The following TRH variants were observed in gnomAD, a reference collection of about 807,000 sequenced individuals.
The protein encoded by TRH is thyrotropin releasing hormone.
In TRH, 5 loss-of-function variants were observed where a neutral mutation model predicts 5.2. The observed-to-expected ratio is 0.95, with a 90% CI of 0.50 to 2.00. The LOEUF is 2.00. Among genes scored for constraint, TRH ranks in the 30% most tolerant of loss-of-function variants. The pLI is 0.01. For missense variants in TRH, 318 were observed against 312.8 expected, an observed-to-expected ratio of 1.02 and a Z score of -0.13; for synonymous variants, 131 against 128.6, an observed-to-expected ratio of 1.02 and a Z score of -0.13.
At position 129,977,012 on chromosome 3, in the gene TRH, GA is replaced by G; in HGVS notation, c.526del (p.Arg176GlufsTer5). The part of the protein sequence containing the change: ...SWEEEEEEEE[R>X]EEDLMPEKRQ... ...GGGAAGAAGAGGAGGAGGAGGAAGA[GA>G]GAGAGGAAGACCTGATGCCTGAAAA... On this transcript the variant is annotated frameshift_variant, in exon 3 of 3. Transcript: ENST00000302649. LOFTEE classifies it low-confidence loss of function (END_TRUNC). The G allele has an allele frequency of 6.2e-7, 1 of 1,613,804 alleles. No homozygotes were observed. The highest frequency in any genetic ancestry group is 8.5e-7 in the Non-Finnish European group (1 of 1,179,876).
Position 129,976,934 on chromosome 3 carries a change from G to A in TRH, c.447G>A (p.Pro149=), listed in dbSNP as rs766789406. The change falls in exon 3 of 3, where the codon CCG becomes CCA. Residue 149 remains proline (P), a synonymous_variant. Transcript: ENST00000302649. ...CCCCCTGGCTTGCATATGCTGTCCC[G>A]AAGCGGCAGCACCCAGGCAGAAGGC... ...RRSPWLAYAV[P]KRQHPGRRLA... is the part of the protein sequence containing the mutation. 50 of 1,613,544 alleles carry A rather than the reference G, an allele frequency of 3.1e-5. No individual in the cohort carries two copies. Among genetic ancestry groups the A allele is most frequent in the Non-Finnish European group, 4.1e-5 (48 of 1,179,908 alleles).
chr3:129,975,671 C>G (rs1417083475), intron 1 of TRH, 138 bp from the exon 2 acceptor site: 1 of 963,500 alleles, frequency 1.0e-6, no homozygotes, highest in East Asian at 2.7e-5. Flanking sequence ...TGCTCCCGCC[C>G]CTGCACGAGG....
intron 1 of TRH, among the ~76,000 whole-genome samples, 175 bp downstream of exon 1, chr3:129,974,998 C>T (rs1315498874): frequency 6.6e-6 from 1 of 152,134 alleles, no homozygotes; most frequent in Non-Finnish European, 1.5e-5. Flanking sequence ...GGCCGGGGAC[C>T]CGACGGGAGG....
At position 129,977,119 on chromosome 3, in the gene TRH, G is replaced by C; in HGVS notation, c.632G>C (p.Gly211Ala). ...TATGGTCAAGCGGGCCTTCTGCTGGGGCTCCTGGATGACCTGAGTAGGAGC... is the reference window on the plus strand; with the variant it reads ...TATGGTCAAGCGGGCCTTCTGCTGGCGCTCCTGGATGACCTGAGTAGGAGC... ...GAYGQAGLLL[G>A]LLDDLSRSQG... Residue 211 changes from glycine to alanine, a missense_variant, in exon 3 of 3, where the codon GGG (glycine) becomes GCG (alanine). Coordinates refer to ENST00000302649, the MANE Select transcript of TRH (RefSeq NM_007117.5). 1 of 1,552,554 alleles carries C rather than the reference G, an allele frequency of 6.4e-7. No individual in the cohort carries two copies. Among genetic ancestry groups the C allele is most frequent in the Non-Finnish European group, 8.7e-7 (1 of 1,152,612 alleles).
rs941673560 is a variant in TRH, at chr3:129,977,484, C to G, written c.*268C>G. ...GCAGATCCCAGAGCCCCTCTCACCC[C>G]CCCCACCACAGGCCTGCTCCTTCCT... On this transcript the variant is annotated 3_prime_UTR_variant, in exon 3 of 3. Coordinates refer to ENST00000302649, the MANE Select transcript of TRH (RefSeq NM_007117.5). 1.8e-5 allele frequency: 6 copies of G among 333,898 alleles called. No individual in the cohort carries two copies. Among genetic ancestry groups the G allele is most frequent in the African/African-American group, 8.4e-5 (4 of 47,626 alleles). 20.7% of individuals were successfully genotyped at this position (333,898 alleles called of 1,614,324 possible). A position where few individuals can be genotyped will look rare whatever the true frequency, so the allele number is the denominator to read the frequency against.
chr3:129,976,749 A>T lies in TRH; in HGVS notation c.262A>T (p.Lys88Ter). 6.2e-7 allele frequency: 1 copy of T among 1,614,006 alleles called. No individual in the cohort carries two copies. Among genetic ancestry groups the T allele is most frequent in the South Asian group, 1.1e-5 (1 of 91,062 alleles). ...GCTCTCCAAACGTCAGCATCCAGGC[A>T]AAAGAGAGGAGGAGGAGGAAGAGGG... ...DWLSKRQHPG[K>*]REEEEEEGVE... The change falls in exon 3 of 3, where the codon AAA becomes TAA. Residue 88 changes from lysine to a stop codon, truncating the protein, a stop_gained. Transcript: ENST00000302649. LOFTEE classifies it low-confidence loss of function (END_TRUNC).
intron 2 of TRH, among the ~76,000 whole-genome samples, 186 bp downstream of exon 2, chr3:129,976,213 T>G (rs1268404797): frequency 6.6e-6 from 1 of 152,244 alleles, no homozygotes; most frequent in Non-Finnish European, 1.5e-5. Context: ...ATTCCTCCCC[T>G]GTCTCAATGC....
In TRH at chr3:129,975,826, C is replaced by A; in HGVS notation, c.10C>A (p.Pro4Thr). 1 of 1,608,746 alleles carries A rather than the reference C, an allele frequency of 6.2e-7. No homozygotes were observed. Among genetic ancestry groups the A allele is most frequent in the Non-Finnish European group, 8.5e-7 (1 of 1,178,746 alleles). MPGPWLLLALALTL... is the reference protein window; with the variant it reads MPGTWLLLALALTL... The stretch of plus-strand genomic sequence containing the variant: ...TAACCCAGACGCCGCGATGCCCGGC[C>A]CTTGGTTGCTGCTCGCTCTGGCTTT... The change falls in exon 2 of 3, where the codon CCT becomes ACT. Residue 4 changes from proline to threonine, a missense_variant. Physicochemically the swap from Pro to Thr is conservative, Grantham distance 38. Coordinates refer to ENST00000302649, the MANE Select transcript of TRH (RefSeq NM_007117.5).
At position 129,977,411 on chromosome 3, in the gene TRH, T is replaced by A; in HGVS notation, c.*195T>A. ...CTTTAGGCATGTGAGAAAATCAGCCTAGCAGTTTAAACCCCACTTTCCTCC... is the reference window on the plus strand; with the variant it reads ...CTTTAGGCATGTGAGAAAATCAGCCAAGCAGTTTAAACCCCACTTTCCTCC... On this transcript the variant is annotated 3_prime_UTR_variant, in exon 3 of 3. Transcript: ENST00000302649. The A allele has an allele frequency of 1.4e-6, 1 of 695,872 alleles. No homozygotes were observed. The highest frequency in any genetic ancestry group is 2.1e-6 in the Non-Finnish European group (1 of 480,800). The allele number at this position is 695,872 out of a possible 1,614,324, so 43.1% of individuals were successfully genotyped here.
At chr3:129,976,663 G>A in intron 2 of TRH, 36 bp from the exon 3 acceptor site, 1 of 1,588,944 alleles carries the variant, frequency 6.3e-7, no homozygotes, top group South Asian at 1.2e-5. Flanking sequence ...TATTACATGG[G>A]TCAGGGGCCC....
At position 129,976,616 on chromosome 3, in the gene TRH, T is replaced by C. The variant is rs1401036938; in HGVS notation, c.212-83T>C. 6 of 1,472,590 alleles carry C rather than the reference T, an allele frequency of 4.1e-6. No individual in the cohort carries two copies. In the Admixed American group the frequency reaches 1.3e-4, roughly 31 times the overall value. The allele number at this position is 1,472,590 out of a possible 1,614,324, so 91.2% of individuals were successfully genotyped here. A position where few individuals can be genotyped will look rare whatever the true frequency, so the allele number is the denominator to read the frequency against. On this transcript the variant is annotated intron_variant, in intron 2 of 2. Coordinates refer to ENST00000302649, the MANE Select transcript of TRH (RefSeq NM_007117.5). ...GGAGCTGCAGGAAATGTACCCTGCC[T>C]GGGAGAAAAGCAGGAGTGGGCACTC...
rs1350242063 is a variant in TRH, at chr3:129,976,788, G to C, written c.301G>C (p.Glu101Gln). ...EEEEEGVEEEEEEEGGAVGPH... is the reference protein window; with the variant it reads ...EEEEEGVEEEQEEEGGAVGPH... ...GGAGGAAGAGGGAGTTGAAGAAGAG[G>C]AAGAGGAAGAAGGGGGGGCTGTGGG... The change falls in exon 3 of 3, where the codon GAA (glutamate) becomes CAA (glutamine). Residue 101 changes from glutamate to glutamine, a missense_variant. Glu to Gln is a conservative substitution (Grantham distance 29, BLOSUM62 2). Coordinates refer to ENST00000302649, the MANE Select transcript of TRH (RefSeq NM_007117.5). The C allele has an allele frequency of 1.2e-6, 2 of 1,613,630 alleles. No individual in the cohort carries two copies. The highest frequency in any genetic ancestry group is 2.2e-5 in the South Asian group (2 of 91,054).
Position 129,975,993 on chromosome 3 carries a change from C to A in TRH, c.177C>A (p.Ile59=). The A allele has an allele frequency of 6.2e-7, 1 of 1,614,146 alleles. No homozygotes were observed. Among genetic ancestry groups the A allele is most frequent in the Non-Finnish European group, 8.5e-7 (1 of 1,179,996 alleles). ...VERLLFLREN[I]QRLQGDQGEH... The stretch of plus-strand genomic sequence containing the variant: ...GCCTCCTCTTCCTCCGGGAAAACAT[C>A]CAGCGGCTGCAAGGGGACCAGGGTG... Residue 59 remains isoleucine (I), a synonymous_variant, in exon 2 of 3, where the codon ATC becomes ATA. Coordinates refer to ENST00000302649, the MANE Select transcript of TRH (RefSeq NM_007117.5).
intron 2 of TRH, among the ~76,000 whole-genome samples, chr3:129,976,320 T>C (rs1212167365): frequency 6.6e-6 from 1 of 152,258 alleles, no homozygotes; most frequent in Non-Finnish European, 1.5e-5. Flanking sequence ...TACTACTGTC[T>C]AGGCACTTCT....
Position 129,976,693 on chromosome 3 carries a change from C to A in TRH, c.212-6C>A, listed in dbSNP as rs1297980409. The stretch of plus-strand genomic sequence containing the variant: ...GGGCCCCTCACTGACCTCTTTCCTT[C>A]CCCAGCGTCCCAGATCTTTCAATCT... On this transcript the variant is annotated splice_region_variant and splice_polypyrimidine_tract_variant and intron_variant, in intron 2 of 2. Coordinates refer to ENST00000302649, the MANE Select transcript of TRH (RefSeq NM_007117.5). The A allele has an allele frequency of 6.2e-7, 1 of 1,608,334 alleles. No homozygotes were observed. The highest frequency in any genetic ancestry group is 1.1e-5 in the South Asian group (1 of 90,514).
chr3:129,975,752 T>C, intron 1 of TRH, 57 bp from the exon 2 acceptor site: 1 of 1,484,176 alleles, frequency 6.7e-7, no homozygotes, highest in Non-Finnish European at 9.0e-7. Context: ...TCGGGGGAGA[T>C]GGAGCGGGAT....
chr3:129,977,272 GC>G lies in TRH; in HGVS notation c.*60del. 1 of 1,493,190 alleles carries G rather than the reference GC, an allele frequency of 6.7e-7. No individual in the cohort carries two copies. The highest frequency in any genetic ancestry group is 8.9e-7 in the Non-Finnish European group (1 of 1,124,674). 92.5% of individuals were successfully genotyped at this position (1,493,190 alleles called of 1,614,324 possible). On this transcript the variant is annotated 3_prime_UTR_variant, in exon 3 of 3. Transcript: ENST00000302649. The stretch of plus-strand genomic sequence containing the variant: ...TCTAAGGATGTCTTGAGCCCTGTGT[GC>G]CCCACCATTCATGACCTCTGTATTC...
chr3:129,975,947 A>G lies in TRH; in HGVS notation c.131A>G (p.Asp44Gly). ...VTAAEHPGLD[D>G]FLRQVERLLF... ...GCCGCGGAGCATCCGGGCCTGGATG[A>G]CTTCCTGCGCCAGGTGGAGCGCCTC... Residue 44 changes from aspartate (D) to glycine (G), a missense_variant, in exon 2 of 3, where the codon GAC becomes GGC. Transcript: ENST00000302649. 1 of 1,613,986 alleles carries G rather than the reference A, an allele frequency of 6.2e-7. No individual in the cohort carries two copies. The highest frequency in any genetic ancestry group is 8.5e-7 in the Non-Finnish European group (1 of 1,179,972).
intron 1 of TRH, 27 bp from the exon 2 acceptor site, chr3:129,975,782 T>C (rs1167046621): frequency 6.4e-7 from 1 of 1,565,190 alleles, no homozygotes. Flanking sequence ...TTCGGTGCGC[T>C]CAGGCTCCCT....
Sources: gnomAD v4.1 joint callset for allele counts (sites outside exome capture counted in the v4.1 genomes callset) on GRCh38, gnomAD v4.1.1 for gene constraint, MANE v1.5 for transcripts, NCBI Gene and HGNC (gene_info 2026-07-23, HGNC 2026-07-21) for gene names.